Variants in LPP observed in about 807,000 individuals in gnomAD.
The protein encoded by LPP is LIM domain containing preferred translocation partner in lipoma, also known as lipoma-preferred partner.
Under a neutral mutation model 60.4 loss-of-function variants are expected in LPP, and 38 were observed. That is an observed-to-expected ratio of 0.63 (90% confidence interval 0.49 to 0.83). The LOEUF (loss-of-function observed/expected upper bound fraction) is 0.83. LPP is among the 40% of genes least tolerant of loss of function. The pLI is 0.00. For missense variants in LPP, 902 were observed against 783.6 expected (o/e 1.15, Z -1.80); for synonymous variants, 328 against 290.8 (o/e 1.13, Z -1.30).
intron 9 of LPP, among the ~76,000 whole-genome samples, chr3:188,789,185 C>A (rs1438247813): frequency 2.0e-5 from 3 of 152,080 alleles, no homozygotes; most frequent in Non-Finnish European, 4.4e-5. Context: ...TAATAGACTA[C>A]CATATAGTGT....
intron 6 of LPP, among the ~76,000 whole-genome samples, chr3:188,577,998 A>C (rs1474262790): frequency 6.6e-6 from 1 of 151,980 alleles, no homozygotes; most frequent in Non-Finnish European, 1.5e-5. Flanking sequence ...TAGATCTTAA[A>C]TGTACTACAG....
intron 2 of LPP, among the ~76,000 whole-genome samples, chr3:188,248,351 A>G (rs1050350520): frequency 1.3e-5 from 2 of 151,736 alleles, no homozygotes; most frequent in African/African-American, 4.8e-5. Flanking sequence ...TCATTGCTTT[A>G]ATTGTTCAAG....
intron 7 of LPP, among the ~76,000 whole-genome samples, chr3:188,683,976 C>G (rs1023709067): frequency 6.6e-6 from 1 of 152,196 alleles, no homozygotes; most frequent in African/African-American, 2.4e-5. Context: ...GGAGTGTTGT[C>G]ATTTTAATCT....
At position 188,889,670 on chromosome 3, in the gene LPP, A is replaced by G. The variant is rs535199310; in HGVS notation, c.*15191A>G. 208 of 223,798 alleles carry G rather than the reference A, an allele frequency of 9.3e-4. 3 individuals carry two copies. The highest frequency in any genetic ancestry group is 7.1e-4 in the East Asian group (11 of 15,432). The allele number at this position is 223,798 out of a possible 1,614,324, so 13.9% of individuals were successfully genotyped here. ...CTCCATGCCATTGCAGTCAGCCACCATTCTCTTTTCCATATAAGGAGCCCC... is the reference window on the plus strand; with the variant it reads ...CTCCATGCCATTGCAGTCAGCCACCGTTCTCTTTTCCATATAAGGAGCCCC... On this transcript the variant is annotated 3_prime_UTR_variant, in exon 12 of 12. Coordinates refer to ENST00000617246, the MANE Select transcript of LPP (RefSeq NM_001375462.1).
At chr3:188,760,435 T>TGTGTGTGTGTGTGTGTGCGC (rs777127864) in intron 9 of LPP, among the ~76,000 whole-genome samples, 153 bp downstream of exon 9, 2 of 151,080 alleles carry the variant, frequency 1.3e-5, no homozygotes, top group Admixed American at 6.6e-5. Context: ...TGTGTGTGTG[T>TGTGTGTGTGTGTGTGTGCGC]GCGTGCGCGC....
chr3:188,740,223 A>G (rs947607021), intron 8 of LPP, among the ~76,000 whole-genome samples: 19 of 152,048 alleles, frequency 1.2e-4, no homozygotes, highest in Admixed American at 3.9e-4. Context: ...TGCTTTTGCA[A>G]TAGGGACCAT....
At chr3:188,731,115 C>G (rs1215696408) in intron 8 of LPP, among the ~76,000 whole-genome samples, 1 of 152,152 alleles carries the variant, frequency 6.6e-6, no homozygotes, top group African/African-American at 2.4e-5. Flanking sequence ...GGACATGGTC[C>G]TCTTTGGGAG....
chr3:188,702,679 A>G (rs913818839), intron 7 of LPP, among the ~76,000 whole-genome samples: 8 of 152,198 alleles, frequency 5.3e-5, no homozygotes, highest in African/African-American at 1.4e-4. Context: ...GCCTTTAGTA[A>G]GAGATTCGGG....
chr3:188,234,702 C>A (rs1721268562), intron 2 of LPP, among the ~76,000 whole-genome samples: 1 of 152,158 alleles, frequency 6.6e-6, no homozygotes, highest in Non-Finnish European at 1.5e-5. Flanking sequence ...TCTAGAAGAT[C>A]CATGACTTAT....
At chr3:188,408,438 A>G (rs911190546) in intron 4 of LPP, among the ~76,000 whole-genome samples, 1 of 152,156 alleles carries the variant, frequency 6.6e-6, no homozygotes, top group African/African-American at 2.4e-5. Flanking sequence ...CTTACTCTCT[A>G]GGAACACTGA....
chr3:188,619,672 G>A (rs776071862), intron 7 of LPP, among the ~76,000 whole-genome samples: 1 of 152,186 alleles, frequency 6.6e-6, no homozygotes, highest in Non-Finnish European at 1.5e-5. Flanking sequence ...AACATTTTCT[G>A]TATATCATTT....
At chr3:188,759,400 A>G (rs1731400474) in intron 8 of LPP, 1 of 152,288 alleles carries the variant, frequency 6.6e-6, no homozygotes, top group South Asian at 2.1e-4. Context: ...GTTCAAAGGA[A>G]TAACAGACTT....
chr3:188,461,393 C>T (rs1798920210), intron 4 of LPP, among the ~76,000 whole-genome samples: 1 of 152,100 alleles, frequency 6.6e-6, no homozygotes, highest in Admixed American at 6.6e-5. Flanking sequence ...GTTCTTATCA[C>T]CCAGTAATGA....
intron 4 of LPP, among the ~76,000 whole-genome samples, chr3:188,483,038 A>G (rs1378654293): frequency 6.6e-6 from 1 of 152,216 alleles, no homozygotes; most frequent in East Asian, 1.9e-4. Context: ...TTTGAGAACC[A>G]TCAGCTTTAA....
At position 188,878,101 on chromosome 3, in the gene LPP, A is replaced by C; in HGVS notation, c.*3622A>C. ...GGGGCTATAGTAGAGAGTTAGTGGA[A>C]TATAGACAGGACTCTGAAAACACAA... On this transcript the variant is annotated 3_prime_UTR_variant, in exon 12 of 12. Coordinates refer to ENST00000617246, the MANE Select transcript of LPP (RefSeq NM_001375462.1). 1 of 221,018 alleles carries C rather than the reference A, an allele frequency of 4.5e-6. No homozygotes were observed. The highest frequency in any genetic ancestry group is 6.6e-5 in the East Asian group (1 of 15,046). The allele number at this position is 221,018 out of a possible 1,614,324, so 13.7% of individuals were successfully genotyped here.
chr3:188,770,839 T>G (rs997802528), intron 9 of LPP, among the ~76,000 whole-genome samples: 13 of 152,324 alleles, frequency 8.5e-5, no homozygotes, highest in African/African-American at 2.9e-4. Flanking sequence ...CATTCTTCCC[T>G]TTACTTTTAG....
chr3:188,207,884 A>T (rs371817725), intron 1 of LPP, among the ~76,000 whole-genome samples: 3 of 152,206 alleles, frequency 2.0e-5, no homozygotes, highest in African/African-American at 7.2e-5. Flanking sequence ...CATAGAGTTT[A>T]CAACATCTTG....
intron 7 of LPP, among the ~76,000 whole-genome samples, chr3:188,703,559 G>A (rs1323102502): frequency 6.6e-6 from 1 of 152,182 alleles, no homozygotes; most frequent in Non-Finnish European, 1.5e-5. Flanking sequence ...CAGCCGTGGA[G>A]TGGAGGTGGA....
intron 4 of LPP, among the ~76,000 whole-genome samples, chr3:188,422,353 A>G (rs1788031245): frequency 6.6e-6 from 1 of 152,202 alleles, no homozygotes; most frequent in Non-Finnish European, 1.5e-5. Context: ...ATTATGGTAC[A>G]TGGAAATCAT....
Sources: gnomAD v4.1 joint callset for allele counts (sites outside exome capture counted in the v4.1 genomes callset) on GRCh38, gnomAD v4.1.1 for gene constraint, MANE v1.5 for transcripts, NCBI Gene and HGNC (gene_info 2026-07-23, HGNC 2026-07-21) for gene names.